NFIA: variants seen among roughly 807,000 people sequenced by gnomAD.
NFIA encodes nuclear factor 1 A-type.
A neutral mutation model predicts 62.8 loss-of-function variants in NFIA; 8 were observed. That is an observed-to-expected ratio of 0.13 (90% confidence interval 0.07 to 0.23). The LOEUF (loss-of-function observed/expected upper bound fraction) is 0.23, where lower values mean the gene tolerates loss of function less well. Among genes scored for constraint, NFIA ranks in the 10% least tolerant of loss-of-function variants. The pLI, the probability that NFIA is intolerant of heterozygous loss-of-function variation, is 1.00. For synonymous variants in NFIA, 235 were observed against 238.1 expected (o/e 0.99, Z 0.12); for missense variants, 410 against 642.1 (o/e 0.64, Z 3.91).
At chr1:61,408,593 C>T (rs561303721) in intron 9 of NFIA, among the ~76,000 whole-genome samples, 1 of 152,258 alleles carries the variant, frequency 6.6e-6, no homozygotes, top group Admixed American at 6.5e-5. Flanking sequence ...GCAATCAATT[C>T]CGTGGAAACA....
intron 2 of NFIA, among the ~76,000 whole-genome samples, chr1:61,151,633 C>T (rs190382093): frequency 8.8e-4 from 134 of 152,280 alleles, no homozygotes; most frequent in African/African-American, 2.8e-3. Context: ...TCATGACACC[C>T]TGAGAAACAG....
intron 6 of NFIA, among the ~76,000 whole-genome samples, chr1:61,377,063 A>C (rs1664183149): frequency 6.6e-6 from 1 of 151,944 alleles, no homozygotes; most frequent in Non-Finnish European, 1.5e-5. Context: ...CTAAAAAAAA[A>C]AATACAAAAA....
At chr1:61,225,033 T>C (rs1654241236) in intron 2 of NFIA, among the ~76,000 whole-genome samples, 1 of 152,128 alleles carries the variant, frequency 6.6e-6, no homozygotes, top group South Asian at 2.1e-4. Context: ...ACTTTAAAAA[T>C]ATATTATTTT....
chr1:61,079,813 AGAGGGTT>A (rs1170311232), upstream of NFIA, among the ~76,000 whole-genome samples: 1 of 152,140 alleles, frequency 6.6e-6, no homozygotes, highest in Non-Finnish European at 1.5e-5. Flanking sequence ...GGAAGAGGGG[AGAGGGTT>A]GGAAATGTTT....
chr1:61,328,920 A>C (rs1661118468), intron 3 of NFIA, among the ~76,000 whole-genome samples: 1 of 140,762 alleles, frequency 7.1e-6, no homozygotes, highest in Non-Finnish European at 1.5e-5. Context: ...ACAGGGTTTC[A>C]CCATGTTGGC....
intron 2 of NFIA, among the ~76,000 whole-genome samples, chr1:61,224,130 TTTTAATATTAG>T (rs1242217408): frequency 6.6e-6 from 1 of 152,048 alleles, no homozygotes; most frequent in African/African-American, 2.4e-5. Flanking sequence ...ATTACTTAGT[TTTTAATATTAG>T]TTTAATATTT....
chr1:61,333,068 TACACACACAC>T (rs34809808), intron 4 of NFIA, among the ~76,000 whole-genome samples: 10 of 132,596 alleles, frequency 7.5e-5, no homozygotes, highest in African/African-American at 1.3e-4. Flanking sequence ...CACACACACA[TACACACACAC>T]ACACACACAC....
intron 2 of NFIA, among the ~76,000 whole-genome samples, chr1:61,235,812 CA>C (rs199585835): frequency 0.13 from 13,747 of 106,210 alleles, 642 homozygotes; most frequent in East Asian, 0.23. Flanking sequence ...GATCCTGTCT[CA>C]AAAAAAAAAA....
At chr1:61,344,864 C>T (rs1662130247) in intron 4 of NFIA, among the ~76,000 whole-genome samples, 1 of 152,222 alleles carries the variant, frequency 6.6e-6, no homozygotes, top group African/African-American at 2.4e-5. Flanking sequence ...CCATCATCCT[C>T]TCTTTCCAAC....
chr1:61,206,817 G>A (rs1173440878), intron 2 of NFIA, among the ~76,000 whole-genome samples: 2 of 152,000 alleles, frequency 1.3e-5, no homozygotes, highest in African/African-American at 4.8e-5. Context: ...GCCCTCCCAA[G>A]CCTACCTCAT....
At chr1:61,139,755 T>G (rs1389043178) in intron 2 of NFIA, among the ~76,000 whole-genome samples, 1 of 152,076 alleles carries the variant, frequency 6.6e-6, no homozygotes, top group Admixed American at 6.5e-5. Flanking sequence ...CCATTCTTCT[T>G]TAAAAGACTA....
intron 2 of NFIA, among the ~76,000 whole-genome samples, chr1:61,227,702 TG>T (rs1476277863): frequency 6.6e-6 from 1 of 152,252 alleles, no homozygotes; most frequent in African/African-American, 2.4e-5. Flanking sequence ...ATTTACTATA[TG>T]TTTATGAACC....
chr1:61,292,601 T>G (rs1658961143), intron 3 of NFIA, among the ~76,000 whole-genome samples: 1 of 152,178 alleles, frequency 6.6e-6, no homozygotes, highest in South Asian at 2.1e-4. Context: ...CTAAAGTTAT[T>G]TGGATGGTGT....
chr1:61,280,234 T>G (rs947372045), intron 3 of NFIA, among the ~76,000 whole-genome samples: 6 of 152,254 alleles, frequency 3.9e-5, no homozygotes, highest in African/African-American at 2.4e-5. Context: ...GGTTCTACTC[T>G]CTGGTGTTGC....
chr1:61,130,019 G>A (rs947553220), intron 2 of NFIA, among the ~76,000 whole-genome samples: 1 of 151,976 alleles, frequency 6.6e-6, no homozygotes, highest in Admixed American at 6.6e-5. Context: ...TTCTTATATT[G>A]GTAAGAAGAC....
At chr1:61,400,440 A>G (rs1488404449) in intron 7 of NFIA, among the ~76,000 whole-genome samples, 1 of 152,220 alleles carries the variant, frequency 6.6e-6, no homozygotes, top group African/African-American at 2.4e-5. Context: ...TAAGAGTATT[A>G]GATGCCGGAA....
intron 2 of NFIA, among the ~76,000 whole-genome samples, chr1:61,163,899 C>T (rs1649390773): frequency 6.6e-6 from 1 of 152,120 alleles, no homozygotes; most frequent in Non-Finnish European, 1.5e-5. Context: ...CAGTTGAGGC[C>T]CCTTGGCTCT....
rs1662900160 is a variant in NFIA, at chr1:61,355,617, C to G, written c.818+3050C>G. On this transcript the variant is annotated intron_variant, in intron 5 of 10. Transcript: ENST00000403491. ...TTTTTCTCCAATAGAGACAGAGTCT[C>G]TTTCTATTACCCAAGGTGAGTGCAG... Among the ~76,000 whole-genome samples, 3 of 151,800 alleles carry G rather than the reference C, an allele frequency of 2.0e-5. 1 individual carries two copies. In the South Asian group the frequency reaches 6.3e-4, roughly 32 times the overall value.
At chr1:61,212,656 A>G (rs1653340790) in intron 2 of NFIA, among the ~76,000 whole-genome samples, 1 of 152,220 alleles carries the variant, frequency 6.6e-6, no homozygotes, top group Non-Finnish European at 1.5e-5. Flanking sequence ...TTGATAAAAG[A>G]GAACTTTGTG....
Sources: allele counts gnomAD v4.1 joint callset (sites outside exome capture counted in the v4.1 genomes callset), GRCh38; gene constraint gnomAD v4.1.1; transcripts MANE v1.5; gene names NCBI Gene and HGNC (gene_info 2026-07-23, HGNC 2026-07-21).